ERG: variants seen among roughly 807,000 people sequenced by gnomAD.
The protein encoded by ERG is transcriptional regulator ERG.
ERG carries 9 observed loss-of-function variants against 55.3 expected under a neutral mutation model. The observed-to-expected ratio is 0.16, with a 90% CI of 0.10 to 0.28. The LOEUF is 0.28. Ranked by LOEUF, ERG falls within the 10% of genes least tolerant of loss-of-function variation. ERG has a pLI of 1.00. For synonymous variants in ERG, 223 were observed against 237.3 expected (o/e 0.94, Z 0.55); for missense variants, 434 against 631.6 (o/e 0.69, Z 3.35).
intron 2 of ERG, among the ~76,000 whole-genome samples, chr21:38,517,460 C>T (rs930855237): frequency 2.3e-4 from 35 of 151,980 alleles, no homozygotes; most frequent in African/African-American, 8.5e-4. Flanking sequence ...CAAAAAATAA[C>T]AGATGCTGGC....
intron 1 of ERG, among the ~76,000 whole-genome samples, chr21:38,593,489 A>C (rs142151468): frequency 0.011 from 1,657 of 152,352 alleles, 23 homozygotes; most frequent in African/African-American, 0.036. Context: ...TTGAGAACAC[A>C]ATCTTGAAGT....
the ERG span, among the ~76,000 whole-genome samples, chr21:38,373,737 T>G: frequency 6.6e-6 from 1 of 152,250 alleles, no homozygotes; most frequent in Admixed American, 6.5e-5. Flanking sequence ...TTCTATTTCT[T>G]TTTGTATTCC....
At chr21:38,525,132 AAG>A (rs1387151650) in intron 2 of ERG, among the ~76,000 whole-genome samples, 1 of 152,154 alleles carries the variant, frequency 6.6e-6, no homozygotes, top group African/African-American at 2.4e-5. Flanking sequence ...TTAAAACTAA[AAG>A]AGAAATTTAT....
intron 1 of ERG, among the ~76,000 whole-genome samples, chr21:38,580,317 T>A: frequency 6.6e-6 from 1 of 152,236 alleles, no homozygotes; most frequent in East Asian, 1.9e-4. Flanking sequence ...AGGTATTTTA[T>A]GGATTTTTTA....
chr21:38,636,427 A>G (rs919527384), intron 1 of ERG, among the ~76,000 whole-genome samples: 2 of 152,122 alleles, frequency 1.3e-5, no homozygotes, highest in South Asian at 4.2e-4. Context: ...AAAAGAGTTC[A>G]CCCTCTGGGG....
intron 1 of ERG, among the ~76,000 whole-genome samples, chr21:38,623,159 C>CACATT (rs1487920376): frequency 9.2e-6 from 1 of 108,726 alleles, no homozygotes; most frequent in Non-Finnish European, 2.1e-5. Context: ...ATACATGCCA[C>CACATT]ACACACACAC....
intron 1 of ERG, among the ~76,000 whole-genome samples, chr21:38,630,122 G>A (rs1367619377): frequency 6.6e-6 from 1 of 152,030 alleles, no homozygotes; most frequent in Non-Finnish European, 1.5e-5. Context: ...GGGGGAATTA[G>A]TGTTCAACAG....
chr21:38,602,980 G>A (rs1415391112), intron 1 of ERG, among the ~76,000 whole-genome samples: 2 of 151,880 alleles, frequency 1.3e-5, no homozygotes, highest in Non-Finnish European at 2.9e-5. Flanking sequence ...GTCCAGGCAA[G>A]AACAAAATCT....
chr21:38,374,801 T>A, the ERG span, among the ~76,000 whole-genome samples: 1 of 152,182 alleles, frequency 6.6e-6, no homozygotes, highest in Admixed American at 6.5e-5. Context: ...ATACAAAAAA[T>A]GAACGTTGTA....
At chr21:38,556,093 T>C (rs2059856576) in intron 2 of ERG, among the ~76,000 whole-genome samples, 1 of 151,984 alleles carries the variant, frequency 6.6e-6, no homozygotes, top group South Asian at 2.1e-4. Context: ...TAGGATGAAA[T>C]TGCATAGGTC....
chr21:38,659,367 G>A (rs780390125), intron 1 of ERG, among the ~76,000 whole-genome samples: 2 of 152,210 alleles, frequency 1.3e-5, no homozygotes, highest in African/African-American at 4.8e-5. Flanking sequence ...TGGGTTCTTC[G>A]CAACGTCTGT....
At chr21:38,377,879 T>C (rs186221082), downstream of ERG, among the ~76,000 whole-genome samples, 1 of 152,270 alleles carries the variant, frequency 6.6e-6, no homozygotes, top group East Asian at 1.9e-4. Flanking sequence ...GGACATGTTT[T>C]TATGCAAGTG....
At chr21:38,501,841 T>A (rs755355615), upstream of ERG, among the ~76,000 whole-genome samples, 1 of 152,200 alleles carries the variant, frequency 6.6e-6, no homozygotes, top group African/African-American at 2.4e-5. Flanking sequence ...ACTAGTCTCC[T>A]CACATTTTAC....
intron 6 of ERG, among the ~76,000 whole-genome samples, chr21:38,399,617 C>G (rs2080845149): frequency 6.6e-6 from 1 of 152,150 alleles, no homozygotes; most frequent in African/African-American, 2.4e-5. Flanking sequence ...CAAGCTATAC[C>G]CTTCTGGGAA....
chr21:38,380,209 C>T lies in ERG; in HGVS notation c.*3194G>A, dbSNP rs747781735. 3 of 1,051,508 alleles carry T rather than the reference C, an allele frequency of 2.9e-6. No homozygotes were observed. Among genetic ancestry groups the T allele is most frequent in the Non-Finnish European group, 3.4e-6 (3 of 870,684 alleles). 65.1% of individuals were successfully genotyped at this position (1,051,508 alleles called of 1,614,324 possible). On this transcript the variant is annotated 3_prime_UTR_variant, in exon 10 of 10. Coordinates refer to ENST00000288319, the MANE Select transcript of ERG (RefSeq NM_182918.4). ...GAACATCTGTGCTTTCCCTGTGCCC[C>T]ATCACCTTCCCAGCTCCTGAGCTGT...
intron 2 of ERG, among the ~76,000 whole-genome samples, chr21:38,571,747 TTTA>T (rs1441015649): frequency 6.6e-6 from 1 of 152,196 alleles, no homozygotes; most frequent in Admixed American, 6.5e-5. Flanking sequence ...CCCTCCTTTT[TTTA>T]TTGTTTCCAG....
In ERG at chr21:38,381,798, G is replaced by A. The variant is rs551755084; in HGVS notation, c.*1605C>T. 1.9e-4 allele frequency: 207 copies of A among 1,063,348 alleles called. No homozygotes were observed. In the Middle Eastern group the frequency reaches 2.9e-3, roughly 15 times the overall value. The allele number at this position is 1,063,348 out of a possible 1,614,324, so 65.9% of individuals were successfully genotyped here. A position where few individuals can be genotyped will look rare whatever the true frequency, so the allele number is the denominator to read the frequency against. On this transcript the variant is annotated 3_prime_UTR_variant, in exon 10 of 10. Transcript: ENST00000288319. ...ATATGGAGGCTCCAATGTGAAACCCGGGGTCCTTCTGTTCCAAAAGGGGCT... is the reference window on the plus strand; with the variant it reads ...ATATGGAGGCTCCAATGTGAAACCCAGGGTCCTTCTGTTCCAAAAGGGGCT...
At chr21:38,594,044 G>T (rs1478839125) in intron 1 of ERG, among the ~76,000 whole-genome samples, 1 of 152,120 alleles carries the variant, frequency 6.6e-6, no homozygotes, top group Non-Finnish European at 1.5e-5. Context: ...ACAGGAAAAG[G>T]TTTCCTTGTG....
the ERG span, among the ~76,000 whole-genome samples, chr21:38,367,917 C>T: frequency 6.6e-6 from 1 of 152,176 alleles, no homozygotes; most frequent in African/African-American, 2.4e-5. Context: ...TTGCTGAACA[C>T]TGCTCCAACA....
Sources: gnomAD v4.1 joint callset for allele counts (sites outside exome capture counted in the v4.1 genomes callset) on GRCh38, gnomAD v4.1.1 for gene constraint, MANE v1.5 for transcripts, NCBI Gene and HGNC (gene_info 2026-07-23, HGNC 2026-07-21) for gene names.